The following NEK10 variants were observed in gnomAD, a reference collection of about 807,000 sequenced individuals.
NEK10 encodes the protein NIMA related kinase 10, also known as serine/threonine-protein kinase Nek10.
A neutral mutation model predicts 159.8 loss-of-function variants in NEK10; 122 were observed. The ratio of observed to expected loss-of-function variants is 0.76; its 90% confidence interval spans 0.66 to 0.89. NEK10 has a LOEUF of 0.89. Ranked by LOEUF, NEK10 falls within the 40% of genes least tolerant of loss-of-function variation. NEK10 has a pLI of 0.00. For synonymous variants in NEK10, 466 were observed against 457.1 expected (o/e 1.02, Z -0.25); for missense variants, 1,342 against 1,323.1 (o/e 1.01, Z -0.22).
chr3:27,245,666 T>C (rs968795241), intron 23 of NEK10, among the ~76,000 whole-genome samples: 2 of 152,196 alleles, frequency 1.3e-5, no homozygotes, highest in Admixed American at 6.5e-5. Context: ...ACCATCGTGG[T>C]TTTAAGCAAC....
chr3:27,131,907 AGGGTT>A lies in NEK10; in HGVS notation c.3049_3053del (p.Asn1017LeufsTer2). The stretch of plus-strand genomic sequence containing the variant: ...TTTTAATTTCAGATTTCAAATTACA[AGGGTT>A]ACTCTGCTGGCTGAAGAGGGATTTC... On this transcript the variant is annotated frameshift_variant, in exon 32 of 36. Transcript: ENST00000691995. LOFTEE classifies it high-confidence loss of function. The A allele has an allele frequency of 6.3e-7, 1 of 1,597,074 alleles. No homozygotes were observed. Among genetic ancestry groups the A allele is most frequent in the Non-Finnish European group, 8.6e-7 (1 of 1,166,312 alleles).
intron 5 of NEK10, among the ~76,000 whole-genome samples, chr3:27,327,745 TCA>T (rs2046109869): frequency 6.6e-6 from 1 of 152,194 alleles, no homozygotes; most frequent in African/African-American, 2.4e-5. Flanking sequence ...CTTTTTCATG[TCA>T]CAGCCCTTTT....
intron 26 of NEK10, among the ~76,000 whole-genome samples, chr3:27,186,032 T>C (rs753148516): frequency 4.6e-5 from 7 of 152,162 alleles, no homozygotes; most frequent in Non-Finnish European, 1.0e-4. Flanking sequence ...TAAGGTGATA[T>C]GAGGAGACAG....
intron 20 of NEK10, among the ~76,000 whole-genome samples, chr3:27,285,504 T>A (rs1471494486): frequency 4.9e-5 from 7 of 144,304 alleles, no homozygotes; most frequent in Non-Finnish European, 1.0e-4. Context: ...AAATTTCTGT[T>A]ATGTCTTTCA....
At chr3:27,209,378 T>G in intron 23 of NEK10, among the ~76,000 whole-genome samples, 1 of 152,200 alleles carries the variant, frequency 6.6e-6, no homozygotes, top group East Asian at 1.9e-4. Flanking sequence ...CTGCACTTAC[T>G]TTACAAAAAT....
intron 23 of NEK10, chr3:27,215,870 G>A: frequency 1.4e-6 from 1 of 715,498 alleles, no homozygotes; most frequent in Non-Finnish European, 2.6e-6. Context: ...CGAAGGTAGA[G>A]GTGCTGCACA....
At chr3:27,160,110 TA>T (rs1945878326) in intron 30 of NEK10, among the ~76,000 whole-genome samples, 1 of 151,912 alleles carries the variant, frequency 6.6e-6, no homozygotes, top group Non-Finnish European at 1.5e-5. Flanking sequence ...ATAATCAGCT[TA>T]TTTTTTTTAA....
At chr3:27,248,736 C>CT (rs1252195014) in intron 23 of NEK10, among the ~76,000 whole-genome samples, 8 of 151,966 alleles carry the variant, frequency 5.3e-5, no homozygotes, top group Admixed American at 3.3e-4. Flanking sequence ...ATTATTTCAA[C>CT]TTTTTTTTAA....
Position 27,202,469 on chromosome 3 carries a change from G to T in NEK10, c.2179C>A (p.Pro727Thr), listed in dbSNP as rs757525553. 2.5e-6 allele frequency: 4 copies of T among 1,613,662 alleles called. No individual in the cohort carries two copies. The highest frequency in any genetic ancestry group is 2.7e-5 in the African/African-American group (2 of 74,908). ...AGCATGTTAGTGCTGTAGAAGGGGG[G>T]ACTCAAAGTCGCCATCTGATAAAGG... Reference protein sequence around the residue: ...CILYQMATLSPPFYSTNMLSL... With the variant: ...CILYQMATLSTPFYSTNMLSL... The change falls in exon 24 of 36, where the codon CCC becomes ACC. Residue 727 changes from proline (P) to threonine (T), a missense_variant. Transcript: ENST00000691995.
intron 23 of NEK10, among the ~76,000 whole-genome samples, chr3:27,254,883 T>C (rs2149317178): frequency 6.6e-6 from 1 of 151,792 alleles, no homozygotes; most frequent in Admixed American, 6.6e-5. Context: ...TTTGGATTTC[T>C]TCCTACGTAT....
chr3:27,267,212 C>T (rs1174052418), intron 22 of NEK10, among the ~76,000 whole-genome samples: 1 of 152,166 alleles, frequency 6.6e-6, no homozygotes, highest in Non-Finnish European at 1.5e-5. Context: ...CAATTTCTGC[C>T]ATCTGTGGGC....
chr3:27,312,119 TC>T lies in NEK10; in HGVS notation c.547del (p.Asp183ThrfsTer6). 1 of 1,612,430 alleles carries T rather than the reference TC, an allele frequency of 6.2e-7. No individual in the cohort carries two copies. The highest frequency in any genetic ancestry group is 1.1e-5 in the South Asian group (1 of 90,774). The stretch of plus-strand genomic sequence containing the variant: ...CTTACATGTCATGTTGACCAGCTTG[TC>T]CACAGTGTGCTGCTCTTCTCCATAG... ...LGYGEEQHTV[D>X]KLVNMTYIFQ... On this transcript the variant is annotated frameshift_variant, in exon 8 of 36. Coordinates refer to ENST00000691995, the MANE Select transcript of NEK10 (RefSeq NM_001394966.1). LOFTEE classifies it high-confidence loss of function.
At chr3:27,143,536 T>C (rs1029415557) in intron 30 of NEK10, 25 of 716,458 alleles carry the variant, frequency 3.5e-5, no homozygotes, top group South Asian at 1.5e-4. Context: ...AACTATGCAA[T>C]TTTTTTAACT....
intron 26 of NEK10, among the ~76,000 whole-genome samples, chr3:27,175,772 G>A (rs1320744873): frequency 1.3e-5 from 2 of 152,140 alleles, no homozygotes; most frequent in Non-Finnish European, 2.9e-5. Context: ...ACAAAGAAAG[G>A]CTGTGATGGA....
At chr3:27,243,830 G>GGTGTGT (rs56720203) in intron 23 of NEK10, among the ~76,000 whole-genome samples, 30 of 148,270 alleles carry the variant, frequency 2.0e-4, no homozygotes, top group South Asian at 4.3e-4. Flanking sequence ...TGACACCATG[G>GGTGTGT]GTGTGTGTGT....
At chr3:27,142,925 G>A (rs1943927573) in intron 30 of NEK10, among the ~76,000 whole-genome samples, 1 of 152,158 alleles carries the variant, frequency 6.6e-6, no homozygotes, top group Admixed American at 6.5e-5. Context: ...TTAAATGTTT[G>A]AAATTTAAAG....
rs115265978 is a variant in NEK10 at position 27,341,308 on chromosome 3, T to C, written c.362+2964A>G. ...TGACAGCAGAATCGCGTGACTATAG[T>C]TAACAACAATGTATTGTCTATTTCA... On this transcript the variant is annotated intron_variant, in intron 5 of 35. Coordinates refer to ENST00000691995, the MANE Select transcript of NEK10 (RefSeq NM_001394966.1). Among the ~76,000 whole-genome samples the C allele has an allele frequency of 1.9e-3, 282 of 152,214 alleles. 1 individual carries two copies. Among genetic ancestry groups the C allele is most frequent in the African/African-American group, 6.5e-3 (272 of 41,540 alleles).
intron 22 of NEK10, among the ~76,000 whole-genome samples, chr3:27,282,582 TAC>T (rs2042267821): frequency 1.7e-5 from 1 of 59,768 alleles, no homozygotes; most frequent in African/African-American, 4.9e-5. Context: ...TATATATATA[TAC>T]ATAACTGTGT....
intron 14 of NEK10, 56 bp downstream of exon 14, chr3:27,297,123 G>T: frequency 9.0e-7 from 1 of 1,105,152 alleles, no homozygotes; most frequent in Non-Finnish European, 1.4e-6. Context: ...TGCACCACAA[G>T]GTGAGTTGAT....
Sources: gnomAD v4.1 joint callset for allele counts (sites outside exome capture counted in the v4.1 genomes callset) on GRCh38, gnomAD v4.1.1 for gene constraint, MANE v1.5 for transcripts, NCBI Gene and HGNC (gene_info 2026-07-23, HGNC 2026-07-21) for gene names.